The following RGS6 variants were observed in gnomAD, a reference collection of about 807,000 sequenced individuals.
The protein encoded by RGS6 is regulator of G protein signaling 6.
In RGS6, 30 loss-of-function variants were observed where a neutral mutation model predicts 78.5. The observed-to-expected ratio is 0.38, with a 90% CI of 0.29 to 0.52. The LOEUF (loss-of-function observed/expected upper bound fraction) is 0.52, where lower values mean the gene tolerates loss of function less well. RGS6 is among the 20% of genes least tolerant of loss of function. The probability of loss-of-function intolerance (pLI) is 0.85; values close to 1 mark genes in which losing one functional copy is unlikely to be tolerated. For synonymous variants in RGS6, 206 were observed against 206.0 expected, an observed-to-expected ratio of 1.00 and a Z score of 0.00; for missense variants, 495 against 609.7, an observed-to-expected ratio of 0.81 and a Z score of 1.98.
the RGS6 span, among the ~76,000 whole-genome samples, chr14:72,575,259 G>A: frequency 1.2e-4 from 19 of 152,158 alleles, no homozygotes; most frequent in Admixed American, 2.6e-4. Context: ...CAAGGGTCAT[G>A]ATGGAGAAGG....
chr14:72,409,368 T>C (rs1446370332), intron 3 of RGS6, among the ~76,000 whole-genome samples: 3 of 151,642 alleles, frequency 2.0e-5, no homozygotes, highest in African/African-American at 7.3e-5. Context: ...GAGTAGAAAG[T>C]CCCTAGTTAG....
chr14:72,096,976 G>A (rs972336294), intron 2 of RGS6, among the ~76,000 whole-genome samples: 43 of 152,128 alleles, frequency 2.8e-4, no homozygotes, highest in African/African-American at 8.9e-4. Context: ...TGAGGATACC[G>A]CTGCTGCAGC....
At chr14:72,546,728 T>G (rs1348820883) in intron 17 of RGS6, among the ~76,000 whole-genome samples, 1 of 152,014 alleles carries the variant, frequency 6.6e-6, no homozygotes, top group East Asian at 1.9e-4. Context: ...TGCCAAGCAG[T>G]CAAGTGAAAA....
the RGS6 span, chr14:72,595,134 G>A: frequency 6.6e-6 from 1 of 152,060 alleles, no homozygotes; most frequent in Admixed American, 6.5e-5. Flanking sequence ...CATTATAGAT[G>A]AACTAAGATA....
At chr14:72,021,704 T>C in intron 2 of RGS6, among the ~76,000 whole-genome samples, 1 of 151,916 alleles carries the variant, frequency 6.6e-6, no homozygotes, top group Admixed American at 6.5e-5. Flanking sequence ...ACTCCTGACC[T>C]CAGGTGAGCC....
chr14:72,416,611 T>C (rs2093829428), intron 3 of RGS6, among the ~76,000 whole-genome samples: 1 of 152,178 alleles, frequency 6.6e-6, no homozygotes, highest in South Asian at 2.1e-4. Flanking sequence ...CCACAACCCT[T>C]CTCAGGAAGT....
chr14:72,139,586 TTGCAC>T (rs1228454276), intron 2 of RGS6, among the ~76,000 whole-genome samples: 2 of 152,316 alleles, frequency 1.3e-5, no homozygotes, highest in East Asian at 3.9e-4. Context: ...AAAATACTGT[TTGCAC>T]TGAGCATTAA....
chr14:72,338,047 C>A (rs966544283), intron 2 of RGS6, among the ~76,000 whole-genome samples: 26 of 152,208 alleles, frequency 1.7e-4, no homozygotes, highest in African/African-American at 9.7e-5. Flanking sequence ...CCTGAGCCTG[C>A]ATAGCTTATT....
chr14:72,343,594 A>G (rs181554272), intron 2 of RGS6, among the ~76,000 whole-genome samples: 113 of 152,114 alleles, frequency 7.4e-4, no homozygotes, highest in Admixed American at 1.9e-3. Context: ...TCTGCCTTCT[A>G]TAGTGTGTAT....
At chr14:72,016,616 C>T (rs1227174544) in intron 2 of RGS6, among the ~76,000 whole-genome samples, 3 of 152,184 alleles carry the variant, frequency 2.0e-5, no homozygotes, top group Admixed American at 6.5e-5. Context: ...CCGCCCTCCT[C>T]GGCCTCCCAA....
At chr14:71,917,757 A>G in the RGS6 span, among the ~76,000 whole-genome samples, 1,795 of 152,316 alleles carry the variant, frequency 0.012, 17 homozygotes, top group Non-Finnish European at 0.017. Flanking sequence ...ATCTTTCGGT[A>G]GTGTGTCCCT....
chr14:72,299,953 T>G (rs2065706127), intron 2 of RGS6, among the ~76,000 whole-genome samples: 1 of 152,122 alleles, frequency 6.6e-6, no homozygotes, highest in Non-Finnish European at 1.5e-5. Flanking sequence ...CGACTTTTGG[T>G]TTTATCATTT....
At chr14:72,132,325 G>A (rs2096341065) in intron 2 of RGS6, among the ~76,000 whole-genome samples, 1 of 150,970 alleles carries the variant, frequency 6.6e-6, no homozygotes, top group Non-Finnish European at 1.5e-5. Flanking sequence ...TGCCCAGGCT[G>A]GAGCGCAGTG....
intron 2 of RGS6, among the ~76,000 whole-genome samples, chr14:72,101,386 T>C (rs1265419452): frequency 1.3e-5 from 2 of 152,262 alleles, no homozygotes; most frequent in South Asian, 4.1e-4. Context: ...TTCACCTCTG[T>C]GTTCCTAGTA....
chr14:71,978,698 C>A (rs1175036622), intron 2 of RGS6, among the ~76,000 whole-genome samples: 1 of 151,846 alleles, frequency 6.6e-6, no homozygotes, highest in Non-Finnish European at 1.5e-5. Flanking sequence ...CATCAATGTT[C>A]ATCAAGGATA....
At chr14:72,041,798 T>A (rs573932482) in intron 2 of RGS6, among the ~76,000 whole-genome samples, 1 of 152,132 alleles carries the variant, frequency 6.6e-6, no homozygotes, top group African/African-American at 2.4e-5. Flanking sequence ...CTGTGGGGGG[T>A]GGGCAGGGAA....
intron 2 of RGS6, among the ~76,000 whole-genome samples, chr14:72,286,664 A>T (rs2062618375): frequency 6.6e-6 from 1 of 151,860 alleles, no homozygotes; most frequent in African/African-American, 2.4e-5. Flanking sequence ...TCCATTTTTT[A>T]TGTTTTCTTT....
At chr14:72,168,285 C>T (rs2096957376) in intron 2 of RGS6, among the ~76,000 whole-genome samples, 1 of 152,040 alleles carries the variant, frequency 6.6e-6, no homozygotes, top group South Asian at 2.1e-4. Flanking sequence ...CAGATGGTCC[C>T]CCACAGGCCT....
intron 2 of RGS6, among the ~76,000 whole-genome samples, chr14:71,966,526 G>A (rs538589574): frequency 1.8e-3 from 281 of 152,298 alleles, no homozygotes; most frequent in African/African-American, 6.6e-3. Flanking sequence ...AGGCTGGTAG[G>A]AACATGGGCT....
Sources: allele counts gnomAD v4.1 joint callset (sites outside exome capture counted in the v4.1 genomes callset), GRCh38; gene constraint gnomAD v4.1.1; transcripts MANE v1.5; gene names NCBI Gene and HGNC (gene_info 2026-07-23, HGNC 2026-07-21).